The following CACNB4 variants were observed in gnomAD, a reference collection of about 807,000 sequenced individuals.
CACNB4 encodes the protein calcium voltage-gated channel auxiliary subunit beta 4.
In CACNB4, 32 loss-of-function variants were observed where a neutral mutation model predicts 71.2. The observed-to-expected ratio is 0.45, with a 90% CI of 0.34 to 0.60. CACNB4 has a LOEUF of 0.60. Among genes scored for constraint, CACNB4 ranks in the 20% least tolerant of loss-of-function variants. The pLI is 0.01. For synonymous variants in CACNB4, 231 were observed against 236.9 expected (o/e 0.97, Z 0.23); for missense variants, 464 against 647.9 (o/e 0.72, Z 3.08).
intron 2 of CACNB4, among the ~76,000 whole-genome samples, chr2:151,921,062 G>A (rs571408770): frequency 2.4e-4 from 37 of 151,944 alleles, no homozygotes; most frequent in African/African-American, 5.1e-4. Context: ...GCGTGAACCC[G>A]GGAGGTGGAG....
At chr2:151,889,979 G>T (rs1335953100) in intron 2 of CACNB4, among the ~76,000 whole-genome samples, 1 of 151,954 alleles carries the variant, frequency 6.6e-6, no homozygotes, top group Non-Finnish European at 1.5e-5. Context: ...GTGTTTACTT[G>T]GTGTGACGCT....
At chr2:151,927,235 A>G (rs2099860474) in intron 2 of CACNB4, among the ~76,000 whole-genome samples, 1 of 152,218 alleles carries the variant, frequency 6.6e-6, no homozygotes, top group Admixed American at 6.5e-5. Context: ...GCAGATAAGA[A>G]TGATTCAGTA....
At chr2:152,083,784 C>G (rs188481053) in intron 2 of CACNB4, among the ~76,000 whole-genome samples, 1 of 152,280 alleles carries the variant, frequency 6.6e-6, no homozygotes, top group East Asian at 1.9e-4. Context: ...CAAGTTTGAT[C>G]CTCATCCACT....
At chr2:152,042,834 G>C (rs1684946223) in intron 2 of CACNB4, among the ~76,000 whole-genome samples, 1 of 152,126 alleles carries the variant, frequency 6.6e-6, no homozygotes, top group Admixed American at 6.5e-5. Flanking sequence ...GGTAAGACAG[G>C]AGGTCGGCAC....
In CACNB4 at chr2:151,837,734, A is replaced by G. The variant is rs1273730398; in HGVS notation, c.*1385T>C. The G allele has an allele frequency of 6.6e-6, 1 of 152,096 alleles. No individual in the cohort carries two copies. Among genetic ancestry groups the G allele is most frequent in the African/African-American group, 2.4e-5 (1 of 41,432 alleles). The allele number at this position is 152,096 out of a possible 1,614,324, so 9.4% of individuals were successfully genotyped here. ...CATAGGTCACCAATTCCATAATTAT[A>G]GCCACTGGAAAAACTGTGAAGACTT... is the stretch of plus-strand genomic sequence containing the variant. On this transcript the variant is annotated 3_prime_UTR_variant, in exon 14 of 14. Coordinates refer to ENST00000539935, the MANE Select transcript of CACNB4 (RefSeq NM_000726.5).
chr2:152,072,786 G>A (rs373867187), intron 2 of CACNB4, among the ~76,000 whole-genome samples: 7 of 150,962 alleles, frequency 4.6e-5, no homozygotes, highest in South Asian at 4.2e-4. Context: ...GACTACAGGC[G>A]CCCACCACCA....
chr2:151,912,707 T>A (rs543612922), intron 2 of CACNB4, among the ~76,000 whole-genome samples: 2 of 152,354 alleles, frequency 1.3e-5, no homozygotes, highest in East Asian at 3.9e-4. Context: ...TGAGTTCAAG[T>A]CCTGAATATC....
chr2:151,848,433 T>C (rs1365408962), intron 12 of CACNB4, among the ~76,000 whole-genome samples: 1 of 152,108 alleles, frequency 6.6e-6, no homozygotes, highest in Non-Finnish European at 1.5e-5. Flanking sequence ...GACAGGTAAA[T>C]CCACACGATT....
intron 12 of CACNB4, chr2:151,852,294 C>T (rs1187280469): frequency 6.6e-6 from 1 of 152,174 alleles, no homozygotes; most frequent in African/African-American, 2.4e-5. Flanking sequence ...CTGTAAGCAT[C>T]TAATGAAAGG....
chr2:152,033,667 G>GA (rs538773191), intron 2 of CACNB4, among the ~76,000 whole-genome samples: 12 of 151,930 alleles, frequency 7.9e-5, no homozygotes, highest in Non-Finnish European at 1.3e-4. Context: ...CAAACTTGGG[G>GA]AAAAAAAATT....
intron 2 of CACNB4, among the ~76,000 whole-genome samples, chr2:152,057,257 G>A (rs142465090): frequency 4.6e-5 from 7 of 152,218 alleles, no homozygotes; most frequent in Admixed American, 3.9e-4. Flanking sequence ...GAGCTGAGAA[G>A]CAGATCCTTC....
At chr2:152,046,202 G>T (rs137864679) in intron 2 of CACNB4, among the ~76,000 whole-genome samples, 1 of 152,074 alleles carries the variant, frequency 6.6e-6, no homozygotes, top group African/African-American at 2.4e-5. Flanking sequence ...CATATGGATT[G>T]TCCATTCAGG....
At chr2:151,841,819 T>G in intron 13 of CACNB4, 84 bp downstream of exon 13, 1 of 1,114,164 alleles carries the variant, frequency 9.0e-7, no homozygotes, top group Non-Finnish European at 1.3e-6. Flanking sequence ...AGATTAAGGA[T>G]GACTCCAGTC....
chr2:151,893,495 G>A (rs1265159613), intron 2 of CACNB4, among the ~76,000 whole-genome samples: 1 of 152,052 alleles, frequency 6.6e-6, no homozygotes, highest in East Asian at 1.9e-4. Context: ...ATCCACCTCA[G>A]CCTCCCAAAG....
intron 2 of CACNB4, among the ~76,000 whole-genome samples, chr2:152,042,697 A>AT (rs1684938068): frequency 7.4e-6 from 1 of 134,492 alleles, no homozygotes; most frequent in African/African-American, 2.8e-5. Flanking sequence ...TATTTATTTT[A>AT]TTTTTTTAGA....
At chr2:151,895,108 A>C (rs997466173) in intron 2 of CACNB4, among the ~76,000 whole-genome samples, 42 of 49,856 alleles carry the variant, frequency 8.4e-4, no homozygotes, top group Admixed American at 4.6e-3. Flanking sequence ...ACACACACAC[A>C]CACACACACA....
At chr2:152,033,199 G>A (rs1684383711) in intron 2 of CACNB4, among the ~76,000 whole-genome samples, 1 of 152,194 alleles carries the variant, frequency 6.6e-6, no homozygotes, top group East Asian at 1.9e-4. Flanking sequence ...GGAGAAGCGG[G>A]GTGGGGGAAT....
intron 2 of CACNB4, among the ~76,000 whole-genome samples, chr2:152,000,802 G>C (rs970174304): frequency 2.0e-5 from 3 of 152,066 alleles, no homozygotes; most frequent in African/African-American, 7.2e-5. Context: ...TGACCTCTTG[G>C]GCTGGGACAA....
chr2:151,835,111 GC>G lies in CACNB4; in HGVS notation c.*4007del, dbSNP rs1277112467. On this transcript the variant is annotated 3_prime_UTR_variant, in exon 14 of 14. Coordinates refer to ENST00000539935, the MANE Select transcript of CACNB4 (RefSeq NM_000726.5). Reference sequence around the variant, plus strand: ...CAAAATGTGAATTTGCAAACCAGCTGCTCTTAAACATAAAGTCTTTGGACTT... The same window carrying G: ...CAAAATGTGAATTTGCAAACCAGCTGTCTTAAACATAAAGTCTTTGGACTT... 2 of 151,890 alleles carry G rather than the reference GC, an allele frequency of 1.3e-5. No individual in the cohort carries two copies. Among genetic ancestry groups the G allele is most frequent in the African/African-American group, 4.8e-5 (2 of 41,402 alleles). 9.4% of individuals were successfully genotyped at this position (151,890 alleles called of 1,614,324 possible). A position where few individuals can be genotyped will look rare whatever the true frequency, so the allele number is the denominator to read the frequency against.
Sources: allele counts gnomAD v4.1 joint callset (sites outside exome capture counted in the v4.1 genomes callset), GRCh38; gene constraint gnomAD v4.1.1; transcripts MANE v1.5; gene names NCBI Gene and HGNC (gene_info 2026-07-23, HGNC 2026-07-21).